The following VPS13B variants were observed in gnomAD, a reference collection of about 807,000 sequenced individuals.
The protein encoded by VPS13B is vacuolar protein sorting 13 homolog B.
Under a neutral mutation model 426.4 loss-of-function variants are expected in VPS13B, and 285 were observed. That is an observed-to-expected ratio of 0.67 (90% confidence interval 0.61 to 0.74). VPS13B has a LOEUF of 0.74. Ranked by LOEUF, VPS13B falls within the 30% of genes least tolerant of loss-of-function variation. The probability of loss-of-function intolerance (pLI) is 0.00; values close to 1 mark genes in which losing one functional copy is unlikely to be tolerated. For missense variants in VPS13B, 4,537 were observed against 4,782.6 expected (o/e 0.95, Z 1.51); for synonymous variants, 1,676 against 1,676.4 (o/e 1.00, Z 0.01).
intron 35 of VPS13B, chr8:99,697,240 A>G: frequency 1.7e-6 from 1 of 576,842 alleles, no homozygotes; most frequent in Non-Finnish European, 3.1e-6. Context: ...ACGCTGCAGG[A>G]GGAGGCAGCC....
At chr8:99,640,488 G>A (rs78319600) in intron 33 of VPS13B, among the ~76,000 whole-genome samples, 3,180 of 151,914 alleles carry the variant, frequency 0.021, 120 homozygotes, top group African/African-American at 0.073. Flanking sequence ...GCCTGGTCTC[G>A]AACCCCTGGT....
At chr8:99,167,876 G>GTTAC (rs1407014446) in intron 15 of VPS13B, among the ~76,000 whole-genome samples, 1 of 151,976 alleles carries the variant, frequency 6.6e-6, no homozygotes, top group African/African-American at 2.4e-5. Flanking sequence ...TTATTAGTTT[G>GTTAC]CAACATTTAC....
At chr8:99,167,381 A>ATTATACTATTATGTGTT (rs1005538009) in intron 15 of VPS13B, among the ~76,000 whole-genome samples, 2 of 152,048 alleles carry the variant, frequency 1.3e-5, no homozygotes, top group Non-Finnish European at 2.9e-5. Flanking sequence ...TATGATGCTG[A>ATTATACTATTATGTGTT]TTATACTATT....
At chr8:99,138,884 A>G (rs2132565886) in intron 12 of VPS13B, among the ~76,000 whole-genome samples, 1 of 152,322 alleles carries the variant, frequency 6.6e-6, no homozygotes, top group South Asian at 2.1e-4. Flanking sequence ...CCTTTTAAGC[A>G]AAGGAAACCT....
intron 33 of VPS13B, among the ~76,000 whole-genome samples, chr8:99,593,963 G>A (rs1826853509): frequency 1.3e-5 from 2 of 151,774 alleles, no homozygotes; most frequent in African/African-American, 4.8e-5. Context: ...ATAGCTAATG[G>A]ATGCTGCACC....
chr8:99,380,599 G>A (rs190538035), intron 19 of VPS13B, among the ~76,000 whole-genome samples: 157 of 152,120 alleles, frequency 1.0e-3, no homozygotes, highest in Non-Finnish European at 1.3e-3. Context: ...TAGAATAGGA[G>A]TATACATGGC....
In VPS13B at chr8:99,847,618, G is replaced by A. The variant is rs187961738; in HGVS notation, c.9943-1158G>A. On this transcript the variant is annotated intron_variant, in intron 54 of 61. Coordinates refer to ENST00000357162, the MANE Select transcript of VPS13B (RefSeq NM_152564.5). ...GCAGTGGAAGAACCAGGAAGAGCTG[G>A]AGGGGCTGGGCTGCAGCAAGGAGCA... Among the ~76,000 whole-genome samples the A allele has an allele frequency of 5.9e-5, 9 of 152,294 alleles. No individual in the cohort carries two copies. In the East Asian group the frequency reaches 1.7e-3, roughly 29 times the overall value.
At position 99,391,448 on chromosome 8, in the gene VPS13B, G is replaced by A. The variant is rs562429541; in HGVS notation, c.2935-109G>A. ...ATTGATTTACAATAATGAAGTCTCA[G>A]CCCCAACTTGTGAAGGACTGTCCTC... On this transcript the variant is annotated intron_variant, in intron 20 of 61. Coordinates refer to ENST00000357162, the MANE Select transcript of VPS13B (RefSeq NM_152564.5). 1.5e-5 allele frequency: 23 copies of A among 1,550,290 alleles called. No individual in the cohort carries two copies. In the East Asian group the frequency reaches 4.1e-4, roughly 28 times the overall value.
intron 19 of VPS13B, among the ~76,000 whole-genome samples, chr8:99,312,564 G>A (rs920086566): frequency 1.3e-5 from 2 of 152,180 alleles, no homozygotes; most frequent in African/African-American, 2.4e-5. Context: ...GCTTCCCTTT[G>A]TGGGTAACCG....
intron 19 of VPS13B, among the ~76,000 whole-genome samples, chr8:99,304,489 A>G (rs1008186812): frequency 1.3e-5 from 2 of 152,092 alleles, no homozygotes; most frequent in African/African-American, 2.4e-5. Flanking sequence ...GGATAATGCC[A>G]GTCAATTCTG....
intron 39 of VPS13B, among the ~76,000 whole-genome samples, chr8:99,747,625 A>G (rs1183068633): frequency 6.6e-6 from 1 of 152,100 alleles, no homozygotes; most frequent in Non-Finnish European, 1.5e-5. Context: ...ATTATGTGAG[A>G]TATGGCAAAA....
chr8:99,679,684 CG>C (rs898455607), intron 35 of VPS13B, among the ~76,000 whole-genome samples: 19 of 152,116 alleles, frequency 1.2e-4, no homozygotes, highest in Non-Finnish European at 2.1e-4. Context: ...TTAAAGCACA[CG>C]TCTGCCATCA....
At chr8:99,333,905 G>A (rs1186577197) in intron 19 of VPS13B, among the ~76,000 whole-genome samples, 1 of 151,912 alleles carries the variant, frequency 6.6e-6, no homozygotes, top group Non-Finnish European at 1.5e-5. Flanking sequence ...GTAGTTTATT[G>A]TTTTGAATTG....
intron 33 of VPS13B, among the ~76,000 whole-genome samples, chr8:99,610,593 G>A (rs576619105): frequency 2.0e-5 from 3 of 151,958 alleles, no homozygotes; most frequent in East Asian, 1.9e-4. Flanking sequence ...GTCAGGGGGT[G>A]GGGGGCTAGG....
chr8:99,063,862 G>C (rs1449057134), intron 3 of VPS13B, among the ~76,000 whole-genome samples: 1 of 152,116 alleles, frequency 6.6e-6, no homozygotes, highest in African/African-American at 2.4e-5. Context: ...CCTCTGGGAC[G>C]GAGCTTCCAG....
intron 21 of VPS13B, among the ~76,000 whole-genome samples, chr8:99,408,293 C>T (rs918869932): frequency 5.9e-5 from 9 of 152,104 alleles, no homozygotes; most frequent in African/African-American, 1.2e-4. Context: ...AGCCGGGTGC[C>T]ATATGGCTCT....
At chr8:99,309,875 T>C (rs139632771) in intron 19 of VPS13B, among the ~76,000 whole-genome samples, 3,356 of 152,328 alleles carry the variant, frequency 0.022, 104 homozygotes, top group African/African-American at 0.071. Context: ...TGGTTTGTAG[T>C]TCTCCTTGAA....
intron 19 of VPS13B, among the ~76,000 whole-genome samples, chr8:99,315,576 T>G (rs1563664337): frequency 6.6e-6 from 1 of 152,040 alleles, no homozygotes; most frequent in Non-Finnish European, 1.5e-5. Context: ...GTGTGTTCTC[T>G]TATATCTCAA....
intron 39 of VPS13B, among the ~76,000 whole-genome samples, chr8:99,745,400 T>C (rs1768340408): frequency 6.6e-6 from 1 of 152,142 alleles, no homozygotes; most frequent in African/African-American, 2.4e-5. Context: ...GGTTTCACTT[T>C]CTGTGGTTTC....
Sources: gnomAD v4.1 joint callset for allele counts (sites outside exome capture counted in the v4.1 genomes callset) on GRCh38, gnomAD v4.1.1 for gene constraint, MANE v1.5 for transcripts, NCBI Gene and HGNC (gene_info 2026-07-23, HGNC 2026-07-21) for gene names.